Variants in IFRD2 observed in about 807,000 individuals in gnomAD.
The protein encoded by IFRD2 is interferon-related developmental regulator 2.
In IFRD2, 35 loss-of-function variants were observed where a neutral mutation model predicts 49.2. The observed-to-expected ratio is 0.71, with a 90% confidence interval of 0.54 to 0.94. IFRD2 has a LOEUF of 0.94. Among genes scored for constraint, IFRD2 ranks in the 40% least tolerant of loss-of-function variants. The probability of loss-of-function intolerance (pLI) is 0.00; values close to 1 mark genes in which losing one functional copy is unlikely to be tolerated. For synonymous variants in IFRD2, 275 were observed against 239.7 expected (o/e 1.15, Z -1.36); for missense variants, 561 against 591.6 (o/e 0.95, Z 0.54).
Position 50,290,453 on chromosome 3 carries a change from C to T in IFRD2, c.198G>A (p.Glu66=), listed in dbSNP as rs1313761488. ...CCTCAAGGTCTTCCTGCTGGCCCTG[C>T]TCATCCACGACATCCCCCCCTGCAA... is the stretch of plus-strand genomic sequence containing the variant. ...EDSLGGDVVD[E]QGQQEDLEEK... is the part of the protein sequence containing the mutation. Residue 66 remains glutamate (E), a synonymous_variant, in exon 3 of 12, where the codon GAG becomes GAA. Transcript: ENST00000417626. 5.1e-6 allele frequency: 8 copies of T among 1,577,630 alleles called. No individual in the cohort carries two copies. Among genetic ancestry groups the T allele is most frequent in the East Asian group, 2.3e-5 (1 of 43,068 alleles).
rs782818459 is a variant in IFRD2 at position 50,292,244 on chromosome 3, G to A, written c.31C>T (p.Arg11Trp). 5 of 1,515,186 alleles carry A rather than the reference G, an allele frequency of 3.3e-6. No individual in the cohort carries two copies. In the South Asian group the frequency reaches 3.9e-5, roughly 12 times the overall value. The allele number at this position is 1,515,186 out of a possible 1,614,324, so 93.9% of individuals were successfully genotyped here. Residue 11 changes from arginine (R) to tryptophan (W), a missense_variant, in exon 1 of 12, where the codon CGG (arginine) becomes TGG (tryptophan). Coordinates refer to ENST00000417626, the MANE Select transcript of IFRD2 (RefSeq NM_006764.5). ...CCTCCACGGCGCTGACCACCCTTCC[G>A]GAGCGTGTTGCCCTTACGGGCGCGA... MPRARKGNTL[R>W]KGGQRRGGGA...
chr3:50,288,518 G>A lies in IFRD2; in HGVS notation c.1153-14C>T. 3.1e-6 allele frequency: 5 copies of A among 1,613,948 alleles called. No individual in the cohort carries two copies. The highest frequency in any genetic ancestry group is 3.4e-6 in the Non-Finnish European group (4 of 1,179,854). ...TAGCTCATTGTTCTGGGGGGCAGAG[G>A]GCAGTGAGCTCAGGCCAGACTGAAG... On this transcript the variant is annotated splice_polypyrimidine_tract_variant and intron_variant, in intron 10 of 11. Coordinates refer to ENST00000417626, the MANE Select transcript of IFRD2 (RefSeq NM_006764.5).
rs974183542 is a variant in IFRD2, at chr3:50,290,072, G to T, written c.403C>A (p.Gln135Lys). ...CCTAGCACAGCAGCAGCCAGGGCTT[G>T]TTCCTCGCCCTTCCCTGTGGGATGC... ...KCLKKGKGEE[Q>K]ALAAAVLGLL... Residue 135 changes from glutamine to lysine, a missense_variant, in exon 5 of 12, where the codon CAA (glutamine) becomes AAA (lysine). Coordinates refer to ENST00000417626, the MANE Select transcript of IFRD2 (RefSeq NM_006764.5). 3.1e-6 allele frequency: 5 copies of T among 1,613,748 alleles called. No individual in the cohort carries two copies. Among genetic ancestry groups the T allele is most frequent in the Non-Finnish European group, 4.2e-6 (5 of 1,179,746 alleles).
Position 50,289,766 on chromosome 3 carries a change from T to C in IFRD2, c.547-4A>G, listed in dbSNP as rs782451130. 4 of 1,600,018 alleles carry C rather than the reference T, an allele frequency of 2.5e-6. No individual in the cohort carries two copies. Among genetic ancestry groups the C allele is most frequent in the East Asian group, 2.3e-5 (1 of 44,142 alleles). On this transcript the variant is annotated splice_polypyrimidine_tract_variant and splice_region_variant and intron_variant, in intron 5 of 11. Coordinates refer to ENST00000417626, the MANE Select transcript of IFRD2 (RefSeq NM_006764.5). ...CCAGGCCAAGGGCAGAAGCACACTG[T>C]TGGGAGAAGGGCAATGCAATGCCAC...
In IFRD2 at chr3:50,290,192, G is replaced by A. The variant is rs1055808579; in HGVS notation, c.366C>T (p.Ala122=). ...LLERRLTLAD[A]LEKCLKKGKG... ...AACCTTTCTTGAGGCACTTTTCCAG[G>A]GCATCGGCTAGCGTGAGGCGGCGCT... is the stretch of plus-strand genomic sequence containing the variant. Residue 122 remains alanine (A), a synonymous_variant, in exon 4 of 12, where the codon GCC becomes GCT. Transcript: ENST00000417626. 3.7e-6 allele frequency: 6 copies of A among 1,613,802 alleles called. 1 individual carries two copies.
Position 50,289,357 on chromosome 3 carries a change from C to A in IFRD2, c.783G>T (p.Gln261His). Reference protein sequence around the residue: ...STQISHILDRQLPRLPQLLSS... With the variant: ...STQISHILDRHLPRLPQLLSS... ...ACAAGAGCTGGGGCAGCCGGGGCAG[C>A]TGCCTAGGGAAGGGGCAGGCTGAGC... The change falls in exon 8 of 12, where the codon CAG becomes CAT. Residue 261 changes from glutamine to histidine, a missense_variant. Transcript: ENST00000417626. 1 of 1,596,338 alleles carries A rather than the reference C, an allele frequency of 6.3e-7. No homozygotes were observed. The highest frequency in any genetic ancestry group is 2.3e-5 in the East Asian group (1 of 43,930).
chr3:50,289,441 CCCTA>C lies in IFRD2; in HGVS notation c.779+2_779+5del, dbSNP rs1484151572. On this transcript the variant is annotated splice_donor_variant and splice_donor_5th_base_variant and intron_variant, in intron 7 of 11. Transcript: ENST00000417626. LOFTEE classifies it high-confidence loss of function. ...CCTCCCCCTCCCAGTGGACAGCCAC[CCCTA>C]CCTGTCAAGGATGTGGCTGATTTGG... is the stretch of plus-strand genomic sequence containing the variant. 6.4e-7 allele frequency: 1 copy of C among 1,571,922 alleles called. No homozygotes were observed. The highest frequency in any genetic ancestry group is 8.6e-7 in the Non-Finnish European group (1 of 1,158,684).
intron 1 of IFRD2, chr3:50,291,925 T>C (rs890572978): frequency 2.3e-6 from 1 of 438,706 alleles, no homozygotes; most frequent in Non-Finnish European, 4.0e-6. Context: ...ACTGGCTTCC[T>C]GCCCTGTCCG....
intron 7 of IFRD2, 28 bp downstream of exon 7, chr3:50,289,419 C>A (rs1553709273): frequency 7.0e-6 from 11 of 1,568,478 alleles, no homozygotes; most frequent in Non-Finnish European, 9.5e-6. Context: ...GAGATCCCCT[C>A]CCCCTCCCAG....
rs1553708895 is a variant in IFRD2, at chr3:50,288,204, G to A, written c.1316C>T (p.Ala439Val). The A allele has an allele frequency of 6.2e-7, 1 of 1,613,686 alleles. No homozygotes were observed. Among genetic ancestry groups the A allele is most frequent in the Non-Finnish European group, 8.5e-7 (1 of 1,179,664 alleles). ...GCAGGTCCTGCTTCACAGGATGTCTGCCCGCTTGTCCCGCACACGGCTTCG... is the reference window on the plus strand; with the variant it reads ...GCAGGTCCTGCTTCACAGGATGTCTACCCGCTTGTCCCGCACACGGCTTCG... ...KARSRVRDKR[A>V]DIL Residue 439 changes from alanine (A) to valine (V), a missense_variant, in exon 12 of 12, where the codon GCA becomes GTA. Transcript: ENST00000417626.
At chr3:50,292,029 G>A (rs1701686548) in intron 1 of IFRD2, 188 bp downstream of exon 1, 1 of 618,154 alleles carries the variant, frequency 1.6e-6, no homozygotes, top group Non-Finnish European at 2.6e-6. Flanking sequence ...TGGGCAGCGA[G>A]CTCAAGTTGG....
intron 1 of IFRD2, among the ~76,000 whole-genome samples, chr3:50,291,513 C>A (rs1195554909): frequency 6.6e-6 from 1 of 152,134 alleles, no homozygotes; most frequent in African/African-American, 2.4e-5. Context: ...TGAACATGTT[C>A]CACACCCTAT....
At position 50,288,489 on chromosome 3, in the gene IFRD2, G is replaced by A. The variant is rs371139300; in HGVS notation, c.1168C>T (p.Arg390Cys). 11 of 1,613,876 alleles carry A rather than the reference G, an allele frequency of 6.8e-6. No individual in the cohort carries two copies. The highest frequency in any genetic ancestry group is 4.0e-5 in the African/African-American group (3 of 74,942). Residue 390 changes from arginine to cysteine, a missense_variant, in exon 11 of 12, where the codon CGT becomes TGT. Transcript: ENST00000417626. Reference protein sequence around the residue: ...HHHLQNNELLRDIFGLGPVLL... With the variant: ...HHHLQNNELLCDIFGLGPVLL... ...ACAGGGCCCAGGCCAAAGATGTCAC[G>A]GAGTAGCTCATTGTTCTGGGGGGCA...
At position 50,288,861 on chromosome 3, in the gene IFRD2, C is replaced by T. The variant is rs139030386; in HGVS notation, c.962G>A (p.Arg321His). The T allele has an allele frequency of 4.8e-3, 7,742 of 1,613,542 alleles. 26 individuals carry two copies. The highest frequency in any genetic ancestry group is 5.9e-3 in the Non-Finnish European group (6,982 of 1,179,680). ...CTGGCGCCGACGATCAGCCTTGGCA[C>T]GGTACTTGTTACTGTCAGTGGCCAG... Reference protein sequence around the residue: ...RTLATDSNKYRAKADRRRQRS... With the variant: ...RTLATDSNKYHAKADRRRQRS... Residue 321 changes from arginine to histidine, a missense_variant, in exon 9 of 12, where the codon CGT becomes CAT. Physicochemically the swap from Arg to His is conservative, Grantham distance 29. Coordinates refer to ENST00000417626, the MANE Select transcript of IFRD2 (RefSeq NM_006764.5).
At position 50,288,256 on chromosome 3, in the gene IFRD2, C is replaced by T. The variant is rs782269231; in HGVS notation, c.1264G>A (p.Ala422Thr). 6.2e-7 allele frequency: 1 copy of T among 1,613,886 alleles called. No homozygotes were observed. The highest frequency in any genetic ancestry group is 1.1e-5 in the South Asian group (1 of 91,072). ...PRFEKHLYNA[A>T]AFKARTKARS... The stretch of plus-strand genomic sequence containing the variant: ...GCCTTGGTCCGGGCTTTGAAGGCAG[C>T]AGCATTGTACAGGTGCTAGAGTGGG... Residue 422 changes from alanine (A) to threonine (T), a missense_variant, in exon 12 of 12, where the codon GCT (alanine) becomes ACT (threonine). Physicochemically the swap from Ala to Thr is moderately conservative, Grantham distance 58. Coordinates refer to ENST00000417626, the MANE Select transcript of IFRD2 (RefSeq NM_006764.5).
intron 8 of IFRD2, 151 bp downstream of exon 8, chr3:50,289,104 C>G: frequency 8.7e-7 from 1 of 1,144,002 alleles, no homozygotes; most frequent in South Asian, 1.5e-5. Context: ...GCTGAGGGCA[C>G]CCATCATGAC....
chr3:50,289,262 T>TC lies in IFRD2; in HGVS notation c.877dup (p.Asp293GlyfsTer3). ...CATCCTTGTCCCTCGCACCTCAAGG[T>TC]CCCGGGCAAGCTCAAAGAGCAGTGC... On this transcript the variant is annotated frameshift_variant, in exon 8 of 12. Transcript: ENST00000417626. LOFTEE classifies it high-confidence loss of function. 6.4e-7 allele frequency: 1 copy of TC among 1,573,830 alleles called. No homozygotes were observed. The highest frequency in any genetic ancestry group is 8.6e-7 in the Non-Finnish European group (1 of 1,159,934).
rs868953940 is a variant in IFRD2, at chr3:50,292,217, C to T, written c.58G>A (p.Gly20Ser). 1.4e-6 allele frequency: 2 copies of T among 1,471,102 alleles called. No homozygotes were observed. Among genetic ancestry groups the T allele is most frequent in the Non-Finnish European group, 1.8e-6 (2 of 1,113,440 alleles). 91.1% of individuals were successfully genotyped at this position (1,471,102 alleles called of 1,614,324 possible). Residue 20 changes from glycine (G) to serine (S), a missense_variant and splice_region_variant, in exon 1 of 12, where the codon GGT (glycine) becomes AGT (serine). Transcript: ENST00000417626. ...GTCCCGCGCCCCCCACCCCACTCAC[C>T]TCCTCCACGGCGCTGACCACCCTTC... Reference protein sequence around the residue: ...LRKGGQRRGGGARSSAQADSG... With the variant: ...LRKGGQRRGGSARSSAQADSG...
At chr3:50,289,819 C>A in intron 5 of IFRD2, 57 bp from the exon 6 acceptor site, 1 of 1,585,492 alleles carries the variant, frequency 6.3e-7, no homozygotes, top group South Asian at 1.1e-5. Context: ...GGGTTCCCAG[C>A]CCTGGAGCTC....
Sources: gnomAD v4.1 joint callset for allele counts (sites outside exome capture counted in the v4.1 genomes callset) on GRCh38, gnomAD v4.1.1 for gene constraint, MANE v1.5 for transcripts, NCBI Gene and HGNC (gene_info 2026-07-23, HGNC 2026-07-21) for gene names.